CEP89: variants seen among roughly 807,000 people sequenced by gnomAD.
CEP89 encodes the protein centrosomal protein of 89 kDa.
Under a neutral mutation model 97.6 loss-of-function variants are expected in CEP89, and 95 were observed. The ratio of observed to expected loss-of-function variants is 0.97; its 90% CI spans 0.82 to 1.15. CEP89 has a LOEUF of 1.15. Ranked by LOEUF, CEP89 falls within the 50% of genes most tolerant of loss-of-function variation. CEP89 has a pLI of 0.00. For synonymous variants in CEP89, 354 were observed against 349.1 expected (o/e 1.01, Z -0.16); for missense variants, 869 against 947.7 (o/e 0.92, Z 1.09).
At chr19:32,912,225 A>G (rs2145902652) in intron 14 of CEP89, among the ~76,000 whole-genome samples, 1 of 152,128 alleles carries the variant, frequency 6.6e-6, no homozygotes, top group South Asian at 2.1e-4. Context: ...AGGAAAAAAA[A>G]GAAAATTAAA....
At chr19:32,917,404 C>T (rs1174660343) in intron 13 of CEP89, among the ~76,000 whole-genome samples, 1 of 152,156 alleles carries the variant, frequency 6.6e-6, no homozygotes, top group Non-Finnish European at 1.5e-5. Context: ...GCTAGCCCTG[C>T]AACTGCAGCA....
chr19:32,891,473 C>T (rs1267576200), intron 16 of CEP89, among the ~76,000 whole-genome samples: 1 of 152,146 alleles, frequency 6.6e-6, no homozygotes, highest in Non-Finnish European at 1.5e-5. Context: ...CAATATGACA[C>T]CTCCAAAGGA....
In CEP89 at chr19:32,937,415, C is replaced by T. The variant is rs575353357; in HGVS notation, c.667+216G>A. 7.5e-6 allele frequency: 4 copies of T among 536,842 alleles called. No homozygotes were observed. In the South Asian group the frequency reaches 8.8e-5, roughly 12 times the overall value. 33.3% of individuals were successfully genotyped at this position (536,842 alleles called of 1,614,324 possible). ...CAGCATATCCCACAGGTCCACGTCC[C>T]CCCAGGTCCAACCCCCACCCTCCCA... is the stretch of plus-strand genomic sequence containing the variant. On this transcript the variant is annotated intron_variant, in intron 7 of 18. Transcript: ENST00000305768.
intron 5 of CEP89, among the ~76,000 whole-genome samples, chr19:32,944,694 G>A (rs752302551): frequency 6.6e-6 from 1 of 152,188 alleles, no homozygotes; most frequent in Non-Finnish European, 1.5e-5. Flanking sequence ...TCAAAGAAGG[G>A]TCTGCAGAGA....
intron 7 of CEP89, 122 bp downstream of exon 7, chr19:32,937,509 G>A (rs1970602950): frequency 1.2e-6 from 1 of 815,188 alleles, no homozygotes; most frequent in Non-Finnish European, 2.1e-6. Context: ...TTTGAGGCAA[G>A]GGTGAAAGTT....
chr19:32,971,927 C>A lies in CEP89; in HGVS notation c.-53G>T. On this transcript the variant is annotated 5_prime_UTR_variant, in exon 1 of 19. Transcript: ENST00000305768. Reference sequence around the variant, plus strand: ...GGCCTGGACTCATCAGCAGATCTATCCACAGCCAGGGACCACTCCCTAAAG... The same window carrying A: ...GGCCTGGACTCATCAGCAGATCTATACACAGCCAGGGACCACTCCCTAAAG... 6.4e-7 allele frequency: 1 copy of A among 1,556,770 alleles called. No individual in the cohort carries two copies. Among genetic ancestry groups the A allele is most frequent in the Non-Finnish European group, 8.7e-7 (1 of 1,147,532 alleles).
rs79937657 is a variant in CEP89 at position 32,967,506 on chromosome 19, G to GAA, written c.40-1042_40-1041dup. Among the ~76,000 whole-genome samples the GAA allele has an allele frequency of 1.5e-3, 193 of 126,030 alleles. 1 individual carries two copies. Among genetic ancestry groups the GAA allele is most frequent in the South Asian group, 9.7e-3 (41 of 4,248 alleles). 82.7% of individuals were successfully genotyped at this position (126,030 alleles called of 152,430 possible). Reference sequence around the variant, plus strand: ...CGGGAGAAAGGCTCTCACTAAAAATGAAAAAAAAAAAAAAGAGCATCAATG... The same window carrying GAA: ...CGGGAGAAAGGCTCTCACTAAAAATGAAAAAAAAAAAAAAAAGAGCATCAATG... On this transcript the variant is annotated intron_variant, in intron 1 of 18. Coordinates refer to ENST00000305768, the MANE Select transcript of CEP89 (RefSeq NM_032816.5).
chr19:32,900,750 GTTGGTTAACA>G (rs1368322619), intron 15 of CEP89, among the ~76,000 whole-genome samples: 1 of 152,120 alleles, frequency 6.6e-6, no homozygotes, highest in Non-Finnish European at 1.5e-5. Flanking sequence ...CTTTAGAAAT[GTTGGTTAACA>G]TTGGTTAACA....
chr19:32,952,976 G>T (rs1970957340), intron 4 of CEP89, among the ~76,000 whole-genome samples: 1 of 151,202 alleles, frequency 6.6e-6, no homozygotes, highest in African/African-American at 2.4e-5. Context: ...AGGAAAAAGG[G>T]ATATGGTGCT....
At chr19:32,954,661 T>G (rs570802826) in intron 3 of CEP89, among the ~76,000 whole-genome samples, 1 of 150,652 alleles carries the variant, frequency 6.6e-6, no homozygotes, top group East Asian at 2.0e-4. Flanking sequence ...CCTGTTGTTA[T>G]TATTATTGTT....
At position 32,936,973 on chromosome 19, in the gene CEP89, G is replaced by A. The variant is rs918416753; in HGVS notation, c.667+658C>T. On this transcript the variant is annotated intron_variant, in intron 7 of 18. Coordinates refer to ENST00000305768, the MANE Select transcript of CEP89 (RefSeq NM_032816.5). The surrounding 1 kb of genome is among the most constrained non-coding windows in gnomAD (Gnocchi z 4.5). Reference sequence around the variant, plus strand: ...CTGAACTGTTCTAACATGCAGTAAAGCTCCTCTTCGTCTTGCTCACCCTCC... The same window carrying A: ...CTGAACTGTTCTAACATGCAGTAAAACTCCTCTTCGTCTTGCTCACCCTCC... The A allele has an allele frequency of 2.0e-5, 3 of 153,824 alleles. No individual in the cohort carries two copies. Among genetic ancestry groups the A allele is most frequent in the African/African-American group, 7.2e-5 (3 of 41,388 alleles). The allele number at this position is 153,824 out of a possible 1,614,324, so 9.5% of individuals were successfully genotyped here.
chr19:32,879,502 G>T, intron 18 of CEP89, 124 bp from the exon 19 acceptor site: 1 of 756,680 alleles, frequency 1.3e-6, no homozygotes, highest in Non-Finnish European at 2.1e-6. Flanking sequence ...CTCGGTGCCT[G>T]GGTTCTGAAG....
At chr19:32,944,927 C>T (rs1187062085) in intron 5 of CEP89, among the ~76,000 whole-genome samples, 2 of 152,152 alleles carry the variant, frequency 1.3e-5, no homozygotes, top group Non-Finnish European at 2.9e-5. Context: ...GAGACAGACA[C>T]TCTAGATTGA....
At chr19:32,891,990 A>G in intron 16 of CEP89, among the ~76,000 whole-genome samples, 1 of 151,380 alleles carries the variant, frequency 6.6e-6, no homozygotes, top group East Asian at 1.9e-4. Flanking sequence ...CAAGTCTAGC[A>G]AGAGATTTCG....
At chr19:32,957,418 G>A (rs1167570074) in intron 3 of CEP89, among the ~76,000 whole-genome samples, 1 of 8,030 alleles carries the variant, frequency 1.2e-4, no homozygotes, top group Non-Finnish European at 2.3e-4. Context: ...CTATAATCCC[G>A]CACTTTGGGA....
chr19:32,920,170 T>C (rs1334553052), intron 12 of CEP89, among the ~76,000 whole-genome samples: 2 of 152,160 alleles, frequency 1.3e-5, no homozygotes, highest in Non-Finnish European at 2.9e-5. Flanking sequence ...TCTGAATAGC[T>C]AGGACTACAG....
chr19:32,890,008 G>A (rs1421342551), intron 16 of CEP89, among the ~76,000 whole-genome samples: 1 of 152,076 alleles, frequency 6.6e-6, no homozygotes, highest in Non-Finnish European at 1.5e-5. Context: ...TCCATGCTGT[G>A]TCAAAGTCAA....
intron 16 of CEP89, 47 bp downstream of exon 16, chr19:32,899,810 T>C (rs372100790): frequency 3.2e-6 from 5 of 1,548,166 alleles, no homozygotes; most frequent in Non-Finnish European, 4.4e-6. Context: ...AAATCACATT[T>C]GCATATTAAC....
chr19:32,963,470 C>T (rs1049171489), intron 2 of CEP89: 1 of 152,190 alleles, frequency 6.6e-6, no homozygotes, highest in Non-Finnish European at 1.5e-5. Flanking sequence ...ACCCCTTGTG[C>T]TCTTTTATTC....
Sources: gnomAD v4.1 joint callset for allele counts (sites outside exome capture counted in the v4.1 genomes callset) on GRCh38, gnomAD v4.1.1 for gene constraint, Gnocchi (gnomAD v3.1) non-coding constraint, MANE v1.5 for transcripts, NCBI Gene and HGNC (gene_info 2026-07-23, HGNC 2026-07-21) for gene names.